The following WWOX variants were observed in gnomAD, a reference collection of about 807,000 sequenced individuals.
WWOX encodes the protein WW domain containing oxidoreductase.
A neutral mutation model predicts 46.2 loss-of-function variants in WWOX; 69 were observed. That is an observed-to-expected ratio of 1.49 (90% CI 1.23 to 1.82). WWOX has a LOEUF of 1.82. Among genes scored for constraint, WWOX ranks in the 40% most tolerant of loss-of-function variants. The pLI is 0.00. For missense variants in WWOX, 919 were observed against 542.6 expected (o/e 1.69, Z -6.89); for synonymous variants, 359 against 202.6 (o/e 1.77, Z -6.56).
intron 8 of WWOX, among the ~76,000 whole-genome samples, chr16:78,818,463 G>T (rs531338608): frequency 1.4e-4 from 22 of 152,340 alleles, no homozygotes; most frequent in African/African-American, 4.6e-4. Context: ...GGGTGCAGAG[G>T]CTCATGCCTG....
intron 8 of WWOX, chr16:78,534,545 G>A (rs571202526): frequency 6.6e-6 from 1 of 152,234 alleles, no homozygotes; most frequent in African/African-American, 2.4e-5. Flanking sequence ...GGACTCACAG[G>A]TGGAGAAGGT....
At chr16:78,157,532 A>G (rs2034647859) in intron 4 of WWOX, among the ~76,000 whole-genome samples, 1 of 152,252 alleles carries the variant, frequency 6.6e-6, no homozygotes. Flanking sequence ...AAATGGATTT[A>G]GGTGTTAAAT....
rs560936144 is a variant in WWOX, at chr16:78,662,757, C to T, written c.1056+230005C>T. Among the ~76,000 whole-genome samples the T allele has an allele frequency of 2.0e-5, 3 of 152,286 alleles. No individual in the cohort carries two copies. In the South Asian group the frequency reaches 6.2e-4, roughly 32 times the overall value. ...GCTGGATTCGGGAAGGATCCACTTC[C>T]AAGCTGCACAGTTGTTGGCAAGATG... is the stretch of plus-strand genomic sequence containing the variant. On this transcript the variant is annotated intron_variant, in intron 8 of 8. Coordinates refer to ENST00000566780, the MANE Select transcript of WWOX (RefSeq NM_016373.4).
At position 79,058,672 on chromosome 16, in the gene WWOX, A is replaced by C. The variant is rs969352194; in HGVS notation, c.1057-152936A>C. On this transcript the variant is annotated intron_variant, in intron 8 of 8. Transcript: ENST00000566780. ...ATGTGATTTATATAATCAATCAACTAGTCCTTATTTTGGTAGAGCTAAACT... is the reference window on the plus strand; with the variant it reads ...ATGTGATTTATATAATCAATCAACTCGTCCTTATTTTGGTAGAGCTAAACT... 2.6e-5 allele frequency among the ~76,000 whole-genome samples: 4 copies of C among 152,342 alleles called. No individual in the cohort carries two copies. The South Asian group carries it at 6.2e-4, about 24-fold the overall frequency.
rs767839402 is a variant in WWOX at position 78,971,837 on chromosome 16, A to T, written c.1057-239771A>T. On this transcript the variant is annotated intron_variant, in intron 8 of 8. Transcript: ENST00000566780. ...GCCATTTAAAGAGAACACTAACAAGAGAAAGCTAGTTCATTTTTCTTCCTG... is the reference window on the plus strand; with the variant it reads ...GCCATTTAAAGAGAACACTAACAAGTGAAAGCTAGTTCATTTTTCTTCCTG... Among the ~76,000 whole-genome samples the T allele has an allele frequency of 2.0e-3, 301 of 152,200 alleles. 1 individual carries two copies. Among genetic ancestry groups the T allele is most frequent in the Non-Finnish European group, 3.1e-3 (213 of 68,020 alleles).
chr16:78,760,290 A>G (rs557608642), intron 8 of WWOX, among the ~76,000 whole-genome samples: 9 of 152,320 alleles, frequency 5.9e-5, no homozygotes, highest in South Asian at 2.1e-4. Context: ...CTGTGATTCA[A>G]TTATCTCCCA....
intron 8 of WWOX, among the ~76,000 whole-genome samples, chr16:78,921,464 C>G (rs1031521966): frequency 6.6e-6 from 1 of 152,180 alleles, no homozygotes; most frequent in East Asian, 1.9e-4. Context: ...AACAACAGCT[C>G]TTAATATCCT....
At chr16:78,541,554 A>G (rs894774010) in intron 8 of WWOX, among the ~76,000 whole-genome samples, 8 of 150,264 alleles carry the variant, frequency 5.3e-5, no homozygotes, top group African/African-American at 1.9e-4. Context: ...TGAGATATCT[A>G]CAGTGCTTGT....
chr16:78,671,383 C>G (rs562278064), intron 8 of WWOX, among the ~76,000 whole-genome samples: 3 of 152,154 alleles, frequency 2.0e-5, no homozygotes, highest in Non-Finnish European at 2.9e-5. Context: ...TGAGATTGTG[C>G]CACTGCACTC....
chr16:78,556,188 C>G (rs140043286), intron 8 of WWOX, among the ~76,000 whole-genome samples: 3 of 151,098 alleles, frequency 2.0e-5, no homozygotes, highest in Admixed American at 2.0e-4. Flanking sequence ...TCTGCTTTAA[C>G]AGCAAATGCC....
chr16:78,625,330 C>A (rs535021747), intron 8 of WWOX, among the ~76,000 whole-genome samples: 29 of 152,168 alleles, frequency 1.9e-4, no homozygotes, highest in African/African-American at 6.8e-4. Context: ...GCCTCCCCAT[C>A]CAAGGCCAGC....
intron 5 of WWOX, among the ~76,000 whole-genome samples, chr16:78,199,800 C>T (rs1390182550): frequency 6.6e-6 from 1 of 152,158 alleles, no homozygotes; most frequent in Admixed American, 6.5e-5. Flanking sequence ...TCCCTCTTCT[C>T]TCTTGTCAGA....
chr16:78,971,046 T>G (rs1017444464), intron 8 of WWOX, among the ~76,000 whole-genome samples: 1 of 151,616 alleles, frequency 6.6e-6, no homozygotes. Context: ...TCACTCTGTT[T>G]CCCAGGGTGT....
intron 8 of WWOX, among the ~76,000 whole-genome samples, chr16:78,816,833 C>A (rs1234745674): frequency 6.6e-6 from 1 of 152,124 alleles, no homozygotes; most frequent in African/African-American, 2.4e-5. Flanking sequence ...GCCAAGTACT[C>A]ATCTGTGTAA....
intron 8 of WWOX, among the ~76,000 whole-genome samples, chr16:78,583,329 C>T (rs977650144): frequency 6.6e-6 from 1 of 152,282 alleles, no homozygotes; most frequent in Non-Finnish European, 1.5e-5. Context: ...TTGGCACTTC[C>T]AGAGTAATTC....
chr16:78,197,317 C>G (rs552217233), intron 5 of WWOX, among the ~76,000 whole-genome samples: 81 of 152,308 alleles, frequency 5.3e-4, no homozygotes, highest in African/African-American at 1.9e-3. Context: ...TTATACCAAG[C>G]TTTAATATGA....
intron 8 of WWOX, among the ~76,000 whole-genome samples, chr16:78,859,024 AAAAATATATATATATATATATATATGTAT>A (rs1215239015): frequency 1.5e-4 from 5 of 33,130 alleles, no homozygotes; most frequent in South Asian, 9.9e-4. Context: ...AAAAAAAAAA[AAAAATATATATATATATATATATATGTAT>A]ATATATATAT....
intron 8 of WWOX, among the ~76,000 whole-genome samples, chr16:78,747,043 A>G (rs2049364080): frequency 1.3e-5 from 2 of 152,024 alleles, no homozygotes; most frequent in African/African-American, 4.8e-5. Context: ...TACCTCAAGT[A>G]GCTGTGCCCA....
intron 8 of WWOX, among the ~76,000 whole-genome samples, chr16:78,607,385 G>A (rs2151625826): frequency 6.6e-6 from 1 of 152,292 alleles, no homozygotes; most frequent in East Asian, 1.9e-4. Flanking sequence ...AGAGACGATG[G>A]AAGAGTTTGG....
Sources: allele counts gnomAD v4.1 joint callset (sites outside exome capture counted in the v4.1 genomes callset), GRCh38; gene constraint gnomAD v4.1.1; transcripts MANE v1.5; gene names NCBI Gene and HGNC (gene_info 2026-07-23, HGNC 2026-07-21).